RAB38: variants seen among roughly 807,000 people sequenced by gnomAD.
The protein encoded by RAB38 is RAB38, member RAS oncogene family, also known as ras-related protein Rab-38.
A neutral mutation model predicts 18.4 loss-of-function variants in RAB38; 15 were observed. The observed-to-expected ratio is 0.82, with a 90% CI of 0.55 to 1.26. The LOEUF is 1.26. Among genes scored for constraint, RAB38 ranks in the 50% most tolerant of loss-of-function variants. The pLI, the probability that RAB38 is intolerant of heterozygous loss-of-function variation, is 0.00. For missense variants in RAB38, 294 were observed against 267.4 expected, an observed-to-expected ratio of 1.10 and a Z score of -0.69; for synonymous variants, 101 against 104.4, an observed-to-expected ratio of 0.97 and a Z score of 0.20.
At chr11:88,037,003 A>T in the RAB38 span, among the ~76,000 whole-genome samples, 1 of 151,994 alleles carries the variant, frequency 6.6e-6, no homozygotes. Context: ...CATTTATTTC[A>T]AACTTTTTCT....
the RAB38 span, among the ~76,000 whole-genome samples, chr11:88,105,785 G>T: frequency 6.6e-6 from 1 of 152,128 alleles, no homozygotes; most frequent in Non-Finnish European, 1.5e-5. Context: ...ACTCTGATTA[G>T]CCCATTGTGG....
At chr11:88,157,517 T>C (rs1275288823) in intron 1 of RAB38, among the ~76,000 whole-genome samples, 1 of 152,196 alleles carries the variant, frequency 6.6e-6, no homozygotes, top group Non-Finnish European at 1.5e-5. Context: ...TACGGAATAC[T>C]CTACCCATCA....
At chr11:87,887,153 C>T in the RAB38 span, among the ~76,000 whole-genome samples, 5 of 151,966 alleles carry the variant, frequency 3.3e-5, no homozygotes, top group South Asian at 4.1e-4. Context: ...CTATCATCCT[C>T]TTACATGAAA....
chr11:87,900,383 G>A, the RAB38 span, among the ~76,000 whole-genome samples: 12,422 of 151,674 alleles, frequency 0.082, 844 homozygotes, highest in African/African-American at 0.19. Context: ...GGTGGATAGG[G>A]AAGTGAATTG....
chr11:88,009,418 A>G, the RAB38 span, among the ~76,000 whole-genome samples: 50 of 152,276 alleles, frequency 3.3e-4, no homozygotes, highest in Non-Finnish European at 5.6e-4. Context: ...TAAACAAGAG[A>G]TATAAAAAGA....
the RAB38 span, among the ~76,000 whole-genome samples, chr11:88,032,776 G>T: frequency 1.3e-5 from 2 of 152,196 alleles, no homozygotes; most frequent in African/African-American, 2.4e-5. Context: ...TACACTGTTG[G>T]TGGGACTGTA....
chr11:87,957,893 T>G, the RAB38 span, among the ~76,000 whole-genome samples: 2 of 152,130 alleles, frequency 1.3e-5, no homozygotes, highest in African/African-American at 4.8e-5. Context: ...ACACCATATT[T>G]TGGGATATCG....
intron 2 of RAB38, among the ~76,000 whole-genome samples, chr11:88,122,645 C>T (rs917671728): frequency 6.6e-6 from 1 of 152,202 alleles, no homozygotes; most frequent in Non-Finnish European, 1.5e-5. Context: ...ACTATTAACT[C>T]TGTCTTACAG....
At chr11:88,149,380 G>A (rs888712619) in intron 2 of RAB38, among the ~76,000 whole-genome samples, 5 of 152,174 alleles carry the variant, frequency 3.3e-5, no homozygotes, top group Admixed American at 3.3e-4. Flanking sequence ...GAAAATGCAT[G>A]CAAAATATGC....
the RAB38 span, among the ~76,000 whole-genome samples, chr11:87,942,928 T>C: frequency 1.3e-5 from 2 of 152,164 alleles, no homozygotes; most frequent in African/African-American, 4.8e-5. Context: ...ACTTGCTGAG[T>C]TGGCTGCATC....
chr11:88,005,096 A>G, the RAB38 span, among the ~76,000 whole-genome samples: 1 of 151,610 alleles, frequency 6.6e-6, no homozygotes, highest in East Asian at 1.9e-4. Flanking sequence ...AACAAGATCC[A>G]ATAAGCTTCT....
the RAB38 span, among the ~76,000 whole-genome samples, chr11:87,851,186 T>C: frequency 4.2e-4 from 64 of 152,316 alleles, no homozygotes; most frequent in African/African-American, 1.4e-3. Context: ...AGCCTGACTT[T>C]AGCATTTGTT....
intron 1 of RAB38, among the ~76,000 whole-genome samples, chr11:88,154,248 T>TC (rs1943098578): frequency 6.6e-6 from 1 of 152,188 alleles, no homozygotes; most frequent in Non-Finnish European, 1.5e-5. Context: ...CCATTTTTAA[T>TC]CCGAGTGCAT....
chr11:87,836,854 GTAC>G, the RAB38 span, among the ~76,000 whole-genome samples: 4 of 152,088 alleles, frequency 2.6e-5, no homozygotes, highest in Admixed American at 1.3e-4. Context: ...CCAGGATTTT[GTAC>G]TTTAAATTCC....
the RAB38 span, among the ~76,000 whole-genome samples, chr11:87,847,519 A>G: frequency 6.6e-6 from 1 of 152,104 alleles, no homozygotes; most frequent in Non-Finnish European, 1.5e-5. Flanking sequence ...CTCTTTCAAA[A>G]CAAAACAAAA....
At chr11:87,810,213 CTCTT>C in the RAB38 span, among the ~76,000 whole-genome samples, 3 of 152,130 alleles carry the variant, frequency 2.0e-5, no homozygotes, top group Admixed American at 6.5e-5. Context: ...CCTACTGTCA[CTCTT>C]TCTATCACTA....
At chr11:87,939,379 TACACACACACACACAC>T in the RAB38 span, among the ~76,000 whole-genome samples, 2 of 146,296 alleles carry the variant, frequency 1.4e-5, no homozygotes, top group South Asian at 2.2e-4. Context: ...CACACATACA[TACACACACACACACAC>T]ACACACACAC....
At chr11:87,867,694 A>G in the RAB38 span, among the ~76,000 whole-genome samples, 2 of 151,748 alleles carry the variant, frequency 1.3e-5, no homozygotes, top group Admixed American at 1.3e-4. Flanking sequence ...TTTTATGACT[A>G]TGAACACTTA....
intron 2 of RAB38, among the ~76,000 whole-genome samples, chr11:88,122,146 T>C (rs549245328): frequency 2.6e-5 from 4 of 152,198 alleles, no homozygotes; most frequent in South Asian, 2.1e-4. Context: ...ATAACCTTAA[T>C]ACGAGGCAGA....
Sources: allele counts gnomAD v4.1 joint callset (sites outside exome capture counted in the v4.1 genomes callset), GRCh38; gene constraint gnomAD v4.1.1; transcripts MANE v1.5; gene names NCBI Gene and HGNC (gene_info 2026-07-23, HGNC 2026-07-21).